Variants in GPHN observed in about 807,000 individuals in gnomAD.
GPHN encodes the protein gephyrin.
A neutral mutation model predicts 95.5 loss-of-function variants in GPHN; 17 were observed. The ratio of observed to expected loss-of-function variants is 0.18; its 90% CI spans 0.12 to 0.27. The LOEUF is 0.27. GPHN is among the 10% of genes least tolerant of loss of function. The pLI is 1.00. For missense variants in GPHN, 660 were observed against 978.1 expected (o/e 0.67, Z 4.34); for synonymous variants, 320 against 322.5 (o/e 0.99, Z 0.08).
At chr14:67,587,258 CA>C in the GPHN span, 2 of 1,612,964 alleles carry the variant, frequency 1.2e-6, no homozygotes, top group South Asian at 2.2e-5. Flanking sequence ...CCCGATTCCC[CA>C]ACACCACTAG....
chr14:67,265,673 A>G, the GPHN span, among the ~76,000 whole-genome samples: 15 of 152,268 alleles, frequency 9.9e-5, no homozygotes, highest in East Asian at 2.9e-3. Flanking sequence ...CCTAGCCAAC[A>G]TGGTAAAACC....
chr14:66,536,407 G>A (rs1447497907), intron 1 of GPHN, among the ~76,000 whole-genome samples: 2 of 152,100 alleles, frequency 1.3e-5, no homozygotes, highest in Non-Finnish European at 2.9e-5. Flanking sequence ...TAGGATAAAC[G>A]TTACTTTGTC....
the GPHN span, among the ~76,000 whole-genome samples, chr14:67,529,654 C>A: frequency 6.6e-6 from 1 of 152,178 alleles, no homozygotes; most frequent in Non-Finnish European, 1.5e-5. Context: ...GCCTTCCTAG[C>A]CCCACTTAGA....
the GPHN span, among the ~76,000 whole-genome samples, chr14:67,708,739 T>C: frequency 5.9e-5 from 9 of 151,764 alleles, no homozygotes; most frequent in African/African-American, 2.2e-4. Context: ...ATAATTTTTA[T>C]ACCAAATAAG....
chr14:67,310,053 G>A, the GPHN span, among the ~76,000 whole-genome samples: 2 of 145,448 alleles, frequency 1.4e-5, no homozygotes, highest in South Asian at 4.5e-4. Flanking sequence ...ATAGGATGGT[G>A]CTCAAGCACT....
At chr14:67,238,755 T>G in the GPHN span, among the ~76,000 whole-genome samples, 1 of 152,148 alleles carries the variant, frequency 6.6e-6, no homozygotes. Flanking sequence ...ATGATCCTCC[T>G]GCCTCAGCCT....
intron 10 of GPHN, among the ~76,000 whole-genome samples, chr14:67,052,879 A>G (rs2075367570): frequency 1.3e-5 from 2 of 152,198 alleles, no homozygotes; most frequent in Admixed American, 6.5e-5. Flanking sequence ...GCAGAAATCA[A>G]GAAGTTCTTT....
chr14:66,528,969 T>C (rs1334257367), intron 1 of GPHN, among the ~76,000 whole-genome samples: 1 of 152,212 alleles, frequency 6.6e-6, no homozygotes, highest in African/African-American at 2.4e-5. Flanking sequence ...AGTAGTATCT[T>C]TGTGGTGTTC....
intron 1 of GPHN, among the ~76,000 whole-genome samples, chr14:66,617,402 G>A (rs1013103978): frequency 3.8e-5 from 5 of 132,350 alleles, no homozygotes; most frequent in Non-Finnish European, 2.9e-5. Context: ...GAAAAACCAC[G>A]GTTTCCCCAG....
At chr14:67,373,238 C>G in the GPHN span, among the ~76,000 whole-genome samples, 1 of 152,074 alleles carries the variant, frequency 6.6e-6, no homozygotes, top group Admixed American at 6.5e-5. Context: ...GGTGATGGAA[C>G]TTGATTTTGG....
At chr14:67,131,831 T>C (rs2153697821) in intron 17 of GPHN, among the ~76,000 whole-genome samples, 1 of 152,274 alleles carries the variant, frequency 6.6e-6, no homozygotes, top group East Asian at 1.9e-4. Flanking sequence ...TTAATTGAGT[T>C]TATATAATTC....
At chr14:66,791,584 A>G (rs1425806897) in intron 3 of GPHN, among the ~76,000 whole-genome samples, 1 of 152,196 alleles carries the variant, frequency 6.6e-6, no homozygotes, top group African/African-American at 2.4e-5. Flanking sequence ...ATATAGGGTA[A>G]TTTCTGACAT....
chr14:66,809,632 C>T (rs1251591242), intron 3 of GPHN, among the ~76,000 whole-genome samples: 1 of 152,092 alleles, frequency 6.6e-6, no homozygotes, highest in East Asian at 1.9e-4. Context: ...CAAGTAACAC[C>T]ATACAACTGG....
chr14:67,119,558 G>T (rs964668017), intron 16 of GPHN, among the ~76,000 whole-genome samples: 1 of 152,162 alleles, frequency 6.6e-6, no homozygotes, highest in Non-Finnish European at 1.5e-5. Context: ...GGGAGGCCGA[G>T]GTGGGCGGAT....
At chr14:66,713,613 G>A (rs907795395) in intron 2 of GPHN, among the ~76,000 whole-genome samples, 2 of 151,864 alleles carry the variant, frequency 1.3e-5, no homozygotes. Flanking sequence ...TTGGCTATGC[G>A]GGCTCTTTTT....
At chr14:66,588,792 A>G (rs1363867487) in intron 1 of GPHN, among the ~76,000 whole-genome samples, 1 of 152,220 alleles carries the variant, frequency 6.6e-6, no homozygotes, top group African/African-American at 2.4e-5. Flanking sequence ...GAATGGAACC[A>G]CACTGGAAAT....
chr14:67,362,010 TTTTTTTTC>T, the GPHN span, among the ~76,000 whole-genome samples: 25 of 148,816 alleles, frequency 1.7e-4, no homozygotes, highest in African/African-American at 5.7e-4. Context: ...AGAGTCTTTT[TTTTTTTTC>T]TTTTTTCTTT....
intron 18 of GPHN, among the ~76,000 whole-genome samples, chr14:67,151,362 A>G (rs1206099513): frequency 6.6e-6 from 1 of 152,260 alleles, no homozygotes; most frequent in Non-Finnish European, 1.5e-5. Context: ...AATAAACAAG[A>G]AAGACTAATA....
intron 8 of GPHN, among the ~76,000 whole-genome samples, chr14:66,933,716 A>G (rs1011561781): frequency 1.3e-5 from 2 of 152,218 alleles, no homozygotes; most frequent in African/African-American, 4.8e-5. Flanking sequence ...GAGATGACAT[A>G]TATGAGGAAA....
Sources: allele counts gnomAD v4.1 joint callset (sites outside exome capture counted in the v4.1 genomes callset), GRCh38; gene constraint gnomAD v4.1.1; transcripts MANE v1.5; gene names NCBI Gene and HGNC (gene_info 2026-07-23, HGNC 2026-07-21).